The following THSD7A variants were observed in gnomAD, a reference collection of about 807,000 sequenced individuals.
THSD7A encodes thrombospondin type-1 domain-containing protein 7A.
A neutral mutation model predicts 231.3 loss-of-function variants in THSD7A; 96 were observed. The ratio of observed to expected loss-of-function variants is 0.41; its 90% confidence interval spans 0.35 to 0.49. The LOEUF (loss-of-function observed/expected upper bound fraction) is 0.49. THSD7A is among the 20% of genes least tolerant of loss of function. The probability of loss-of-function intolerance (pLI) is 0.05; values close to 1 mark genes in which losing one functional copy is unlikely to be tolerated. For missense variants in THSD7A, 2,290 were observed against 2,070.2 expected (o/e 1.11, Z -2.06); for synonymous variants, 940 against 743.3 (o/e 1.26, Z -4.30).
At chr7:11,553,024 T>C (rs1043207244) in intron 4 of THSD7A, among the ~76,000 whole-genome samples, 4 of 152,050 alleles carry the variant, frequency 2.6e-5, no homozygotes, top group African/African-American at 9.7e-5. Flanking sequence ...CTATTGAATC[T>C]CCACTCCAAA....
chr7:11,415,706 T>C (rs924147665), intron 17 of THSD7A, among the ~76,000 whole-genome samples: 2 of 152,150 alleles, frequency 1.3e-5, no homozygotes, highest in Non-Finnish European at 1.5e-5. Context: ...CCTTCCCCCA[T>C]TTAAGGGAAA....
intron 1 of THSD7A, among the ~76,000 whole-genome samples, chr7:11,747,377 C>T (rs1179093166): frequency 1.3e-5 from 2 of 151,810 alleles, no homozygotes; most frequent in Non-Finnish European, 2.9e-5. Flanking sequence ...ATTAAAATTC[C>T]TCTCCGTTGA....
chr7:11,805,922 T>C (rs1217270483), intron 1 of THSD7A, among the ~76,000 whole-genome samples: 2 of 152,172 alleles, frequency 1.3e-5, no homozygotes, highest in African/African-American at 4.8e-5. Context: ...GAAAAGGATA[T>C]TGTAAATTAT....
intron 6 of THSD7A, among the ~76,000 whole-genome samples, chr7:11,512,189 C>T (rs967741389): frequency 5.9e-5 from 9 of 152,198 alleles, no homozygotes; most frequent in South Asian, 4.1e-4. Context: ...AAAAAATGCT[C>T]ATCATCACTG....
chr7:11,538,502 C>T (rs1233456803), intron 6 of THSD7A, among the ~76,000 whole-genome samples: 1 of 152,092 alleles, frequency 6.6e-6, no homozygotes, highest in Non-Finnish European at 1.5e-5. Flanking sequence ...CTTGCTTTGC[C>T]AGATTTACAC....
rs997989725 is a variant in THSD7A, at chr7:11,614,092, G to A, written c.1023-20590C>T. Among the ~76,000 whole-genome samples, 7 of 152,222 alleles carry A rather than the reference G, an allele frequency of 4.6e-5. No homozygotes were observed. In the South Asian group the frequency reaches 1.5e-3, roughly 32 times the overall value. On this transcript the variant is annotated intron_variant, in intron 2 of 27. Transcript: ENST00000423059. ...ACTGGGAAATAATTAGTGAAGTTGG[G>A]ATGTTTTAACTGAACCATCAGCAAA...
At position 11,460,674 on chromosome 7, in the gene THSD7A, G is replaced by A. The variant is rs1191902327; in HGVS notation, c.2593C>T (p.Arg865Ter). ...PGAQEGCGPG[R>*]QARAITCRKQ... ...TGGGGCCTCCCACCTCTTGCCTGTC[G>A]CCCAGGCCCACAGCCTTCCTGTGCT... The change falls in exon 11 of 28, where the codon CGA becomes TGA. Residue 865 changes from arginine (R) to a stop codon, truncating the protein, a stop_gained. Transcript: ENST00000423059. LOFTEE classifies it high-confidence loss of function. The A allele has an allele frequency of 1.2e-6, 2 of 1,609,422 alleles. No individual in the cohort carries two copies. Among genetic ancestry groups the A allele is most frequent in the Non-Finnish European group, 1.7e-6 (2 of 1,177,904 alleles).
chr7:11,487,857 G>A (rs1181943161), intron 6 of THSD7A, among the ~76,000 whole-genome samples: 2 of 152,134 alleles, frequency 1.3e-5, no homozygotes, highest in Non-Finnish European at 2.9e-5. Context: ...AATTCAAGGT[G>A]AGATTTGGGT....
intron 13 of THSD7A, among the ~76,000 whole-genome samples, chr7:11,435,742 T>C (rs910924402): frequency 2.6e-5 from 4 of 151,666 alleles, no homozygotes; most frequent in African/African-American, 9.7e-5. Context: ...GTAAATATAT[T>C]GCTTTTCCAA....
chr7:11,456,069 T>G (rs1208776362), intron 11 of THSD7A, among the ~76,000 whole-genome samples: 1 of 152,020 alleles, frequency 6.6e-6, no homozygotes, highest in African/African-American at 2.4e-5. Flanking sequence ...TCTATCAATA[T>G]GGAAGGGTCC....
intron 1 of THSD7A, among the ~76,000 whole-genome samples, chr7:11,730,312 T>G (rs1781686672): frequency 6.6e-6 from 1 of 151,608 alleles, no homozygotes; most frequent in Non-Finnish European, 1.5e-5. Context: ...GTAATTTACA[T>G]TTTTGTATTT....
At chr7:11,443,291 T>G (rs1784861521) in intron 13 of THSD7A, among the ~76,000 whole-genome samples, 1 of 152,076 alleles carries the variant, frequency 6.6e-6, no homozygotes, top group Non-Finnish European at 1.5e-5. Flanking sequence ...TTTTAAGTGA[T>G]CTTCAATTTT....
At chr7:11,703,858 G>A (rs1381303119) in intron 1 of THSD7A, among the ~76,000 whole-genome samples, 1 of 151,156 alleles carries the variant, frequency 6.6e-6, no homozygotes, top group Admixed American at 6.6e-5. Flanking sequence ...GAAGATCAGA[G>A]AAGCTTCAGT....
chr7:11,513,365 A>T (rs552480604), intron 6 of THSD7A, among the ~76,000 whole-genome samples: 1 of 152,026 alleles, frequency 6.6e-6, no homozygotes, highest in Non-Finnish European at 1.5e-5. Flanking sequence ...AATAAAAAAA[A>T]CCAAAAAACA....
In THSD7A at chr7:11,637,870, T is replaced by C. The variant is rs770380577; in HGVS notation, c.191-909A>G. Among the ~76,000 whole-genome samples the C allele has an allele frequency of 3.3e-5, 5 of 152,240 alleles. No individual in the cohort carries two copies. Among genetic ancestry groups the C allele is most frequent in the African/African-American group, 4.8e-5 (2 of 41,450 alleles). ...AGGTAGATGATATGATTTTCAGTAC[T>C]TTAATAGACAGATCCCAATTTACGA... On this transcript the variant is annotated intron_variant, in intron 1 of 27. Transcript: ENST00000423059. The surrounding 1 kb of genome is among the most constrained non-coding windows in gnomAD (Gnocchi z 4.2).
intron 25 of THSD7A, 96 bp downstream of exon 25, chr7:11,379,534 A>G (rs897210608): frequency 2.4e-6 from 3 of 1,225,092 alleles, no homozygotes; most frequent in African/African-American, 3.0e-5. Context: ...TTATGCCTCA[A>G]GACATGCTTT....
At chr7:11,418,164 T>G (rs1388399462) in intron 16 of THSD7A, among the ~76,000 whole-genome samples, 1 of 152,208 alleles carries the variant, frequency 6.6e-6, no homozygotes, top group Non-Finnish European at 1.5e-5. Context: ...TTTGTCATTT[T>G]AAAAGTAATT....
At chr7:11,430,437 T>C (rs1192277543) in intron 13 of THSD7A, among the ~76,000 whole-genome samples, 1 of 152,164 alleles carries the variant, frequency 6.6e-6, no homozygotes, top group East Asian at 1.9e-4. Flanking sequence ...ACATTTCATA[T>C]AAATGAAGTA....
chr7:11,492,526 A>G (rs1786938878), intron 6 of THSD7A, among the ~76,000 whole-genome samples: 2 of 152,048 alleles, frequency 1.3e-5, no homozygotes, highest in Non-Finnish European at 2.9e-5. Flanking sequence ...TATATTTATC[A>G]CACGAAAACA....
Sources: allele counts gnomAD v4.1 joint callset (sites outside exome capture counted in the v4.1 genomes callset), GRCh38; gene constraint gnomAD v4.1.1; non-coding constraint Gnocchi (gnomAD v3.1); transcripts MANE v1.5; gene names NCBI Gene and HGNC (gene_info 2026-07-23, HGNC 2026-07-21).